The following MCTP1 variants were observed in gnomAD, a reference collection of about 807,000 sequenced individuals.
The protein encoded by MCTP1 is multiple C2 and transmembrane domain containing 1.
In MCTP1, 69 loss-of-function variants were observed where a neutral mutation model predicts 120.6. The observed-to-expected ratio is 0.57, with a 90% CI of 0.47 to 0.70. MCTP1 has a LOEUF of 0.70. Ranked by LOEUF, MCTP1 falls within the 30% of genes least tolerant of loss-of-function variation. The pLI is 0.00. For missense variants in MCTP1, 1,203 were observed against 1,248.8 expected, an observed-to-expected ratio of 0.96 and a Z score of 0.55; for synonymous variants, 529 against 493.1, an observed-to-expected ratio of 1.07 and a Z score of -0.96.
intron 19 of MCTP1, among the ~76,000 whole-genome samples, chr5:94,727,300 A>G (rs1229677118): frequency 6.6e-6 from 1 of 152,222 alleles, no homozygotes; most frequent in Non-Finnish European, 1.5e-5. Context: ...AGTGAAAATA[A>G]TCTGGGATAG....
At chr5:95,054,771 T>A (rs1255879282) in intron 1 of MCTP1, among the ~76,000 whole-genome samples, 1 of 150,812 alleles carries the variant, frequency 6.6e-6, no homozygotes, top group Admixed American at 6.7e-5. Context: ...AAGGGAAAAA[T>A]ATGAATCCAC....
intron 17 of MCTP1, among the ~76,000 whole-genome samples, chr5:94,803,685 T>C (rs1781668601): frequency 6.6e-6 from 1 of 152,154 alleles, no homozygotes; most frequent in South Asian, 2.1e-4. Flanking sequence ...TATACTACCT[T>C]AGAATCCATA....
chr5:94,970,785 C>G (rs1272711315), intron 2 of MCTP1, among the ~76,000 whole-genome samples: 1 of 151,866 alleles, frequency 6.6e-6, no homozygotes, highest in Non-Finnish European at 1.5e-5. Flanking sequence ...AGAACTTTAA[C>G]TTTCCTATTT....
At chr5:94,827,946 A>C (rs1460899908) in intron 17 of MCTP1, among the ~76,000 whole-genome samples, 4 of 151,740 alleles carry the variant, frequency 2.6e-5, no homozygotes, top group Non-Finnish European at 4.4e-5. Context: ...GTTATTACCC[A>C]CCTTCTGAAG....
intron 1 of MCTP1, among the ~76,000 whole-genome samples, chr5:95,089,084 A>C (rs148564692): frequency 1.5e-3 from 227 of 152,306 alleles, no homozygotes; most frequent in African/African-American, 5.0e-3. Flanking sequence ...AATTAGAAAA[A>C]CTGCAATTCT....
chr5:94,715,604 T>C (rs1373557629), intron 19 of MCTP1, among the ~76,000 whole-genome samples: 1 of 152,140 alleles, frequency 6.6e-6, no homozygotes, highest in Admixed American at 6.6e-5. Flanking sequence ...CTCCAGGTAA[T>C]GGATGGGTAG....
At chr5:95,177,359 CTCTG>C (rs1478606720) in intron 1 of MCTP1, among the ~76,000 whole-genome samples, 1 of 152,132 alleles carries the variant, frequency 6.6e-6, no homozygotes, top group Non-Finnish European at 1.5e-5. Context: ...CGGTTTAATA[CTCTG>C]TCTGAAAGTC....
At chr5:95,169,840 A>C (rs1746985025) in intron 1 of MCTP1, among the ~76,000 whole-genome samples, 1 of 152,126 alleles carries the variant, frequency 6.6e-6, no homozygotes, top group Non-Finnish European at 1.5e-5. Context: ...TCTTTTCAAA[A>C]ACCAGGTCCT....
intron 1 of MCTP1, among the ~76,000 whole-genome samples, chr5:95,101,036 T>A (rs1756682255): frequency 6.6e-6 from 1 of 152,144 alleles, no homozygotes; most frequent in South Asian, 2.1e-4. Context: ...ATGTCATGAC[T>A]TACGCTGTAA....
chr5:94,985,818 A>G (rs548177013), intron 2 of MCTP1, among the ~76,000 whole-genome samples: 1 of 152,342 alleles, frequency 6.6e-6, no homozygotes, highest in East Asian at 1.9e-4. Flanking sequence ...CTGTTTAATT[A>G]TTAAACAGCC....
chr5:94,737,284 G>A (rs1381700476), intron 19 of MCTP1, among the ~76,000 whole-genome samples: 1 of 152,150 alleles, frequency 6.6e-6, no homozygotes, highest in Non-Finnish European at 1.5e-5. Context: ...TGGGCCTCCT[G>A]GTGATAGCAG....
chr5:95,231,492 T>G (rs1311665914), intron 1 of MCTP1, among the ~76,000 whole-genome samples: 1 of 152,032 alleles, frequency 6.6e-6, no homozygotes, highest in Non-Finnish European at 1.5e-5. Context: ...GACAATGACA[T>G]CAGGCAACAA....
intron 11 of MCTP1, among the ~76,000 whole-genome samples, chr5:94,889,411 A>AC (rs1802029007): frequency 6.6e-6 from 1 of 151,876 alleles, no homozygotes; most frequent in African/African-American, 2.4e-5. Context: ...AGATGATGAA[A>AC]CCCCATCTCT....
rs1238318183 is a variant in MCTP1, at chr5:95,284,532, G to A, written c.44C>T (p.Ala15Val). 8.7e-6 allele frequency: 13 copies of A among 1,490,366 alleles called. 1 individual carries two copies. Among genetic ancestry groups the A allele is most frequent in the African/African-American group, 1.5e-5 (1 of 68,404 alleles). 92.3% of individuals were successfully genotyped at this position (1,490,366 alleles called of 1,614,324 possible). A position where few individuals can be genotyped will look rare whatever the true frequency, so the allele number is the denominator to read the frequency against. Residue 15 changes from alanine to valine, a missense_variant, in exon 1 of 23, where the codon GCG (alanine) becomes GTG (valine). Ala to Val is a moderately conservative substitution (Grantham distance 64). This residue lies in a region of MCTP1 where 463 missense variants were observed against 377.8 expected (regional missense o/e 1.23). Transcript: ENST00000515393. This position sits in a 1 kb window ranked among gnomAD's most constrained non-coding sequence, Gnocchi z 5.2. ...CCGGGCCTGGAAGGAGGAGGACGCCGCCGGCGGCTCTGGCTCGCCCGCCGC... is the reference window on the plus strand; with the variant it reads ...CCGGGCCTGGAAGGAGGAGGACGCCACCGGCGGCTCTGGCTCGCCCGCCGC... ...AAAAGEPEPP[A>V]ASSSFQARLW...
At chr5:95,127,133 A>G (rs1284123382) in intron 1 of MCTP1, among the ~76,000 whole-genome samples, 1 of 152,182 alleles carries the variant, frequency 6.6e-6, no homozygotes, top group East Asian at 1.9e-4. Context: ...CCTTCAATAA[A>G]TACTAATGCC....
rs532878236 is a variant in MCTP1, at chr5:94,708,512, C to A, written c.2928G>T (p.Val976=). ...FLSRVPSDVQ[V]VQYQELKPDP... is the part of the protein sequence containing the mutation. Reference sequence around the variant, plus strand: ...AATAATAATAACGAAACCTACATACCACTTGTACATCTGAAGGGACTCTGG... The same window carrying A: ...AATAATAATAACGAAACCTACATACAACTTGTACATCTGAAGGGACTCTGG... Residue 976 remains valine (V), a splice_region_variant and synonymous_variant, in exon 22 of 23, where the codon GTG becomes GTT. Coordinates refer to ENST00000515393, the MANE Select transcript of MCTP1 (RefSeq NM_024717.7). 6.4e-7 allele frequency: 1 copy of A among 1,571,520 alleles called. No individual in the cohort carries two copies. Among genetic ancestry groups the A allele is most frequent in the African/African-American group, 1.4e-5 (1 of 73,994 alleles).
rs201194865 is a variant in MCTP1, at chr5:94,932,268, G to GA, written c.1174-278dup. Among the ~76,000 whole-genome samples the GA allele has an allele frequency of 2.2e-4, 30 of 138,006 alleles. 1 individual carries two copies. The East Asian group carries it at 2.7e-3, about 13-fold the overall frequency. 90.5% of individuals were successfully genotyped at this position (138,006 alleles called of 152,430 possible). The stretch of plus-strand genomic sequence containing the variant: ...CAGTATCGGGATGCCTTTATTGACT[G>GA]AAAAAAAACACATTGAGTCTCATAA... On this transcript the variant is annotated intron_variant, in intron 5 of 22. Transcript: ENST00000515393.
rs574113733 is a variant in MCTP1 at position 95,100,191 on chromosome 5, T to C, written c.721-82707A>G. 2.1e-3 allele frequency among the ~76,000 whole-genome samples: 314 copies of C among 151,744 alleles called. 10 individuals carry two copies. In the East Asian group the frequency reaches 0.057, roughly 27 times the overall value. ...TAATGCTAGATGACGAGTTAGTGGG[T>C]GCAGCGCACCAGCATGGCTCATGTA... On this transcript the variant is annotated intron_variant, in intron 1 of 22. Transcript: ENST00000515393.
At chr5:94,721,209 G>A (rs138011786) in intron 19 of MCTP1, among the ~76,000 whole-genome samples, 149 of 152,268 alleles carry the variant, frequency 9.8e-4, no homozygotes, top group African/African-American at 3.1e-3. Context: ...TTGATTTGAA[G>A]GTAGAAAGTG....
Sources: gnomAD v4.1 joint callset for allele counts (sites outside exome capture counted in the v4.1 genomes callset) on GRCh38, gnomAD v4.1.1 for gene constraint, gnomAD v4.1.1 regional missense constraint, Gnocchi (gnomAD v3.1) non-coding constraint, MANE v1.5 for transcripts, NCBI Gene and HGNC (gene_info 2026-07-23, HGNC 2026-07-21) for gene names.